Variants in ARMH1 observed in about 807,000 individuals in gnomAD.
ARMH1 encodes armadillo like helical domain containing 1.
ARMH1 carries 34 observed loss-of-function variants against 50.2 expected under a neutral mutation model. The ratio of observed to expected loss-of-function variants is 0.68; its 90% CI spans 0.51 to 0.90. The LOEUF is 0.90. ARMH1 is among the 40% of genes least tolerant of loss of function. ARMH1 has a pLI of 0.00. For synonymous variants in ARMH1, 221 were observed against 224.2 expected (o/e 0.99, Z 0.13); for missense variants, 538 against 553.9 (o/e 0.97, Z 0.29).
intron 1 of ARMH1, among the ~76,000 whole-genome samples, chr1:44,680,227 A>G (rs2148567884): frequency 6.6e-6 from 1 of 152,276 alleles, no homozygotes; most frequent in East Asian, 1.9e-4. Context: ...CCCAGGCTGG[A>G]GTTCAGTGGC....
At chr1:44,712,537 A>G (rs1161874596) in intron 6 of ARMH1, among the ~76,000 whole-genome samples, 2 of 80,102 alleles carry the variant, frequency 2.5e-5, no homozygotes, top group Non-Finnish European at 4.6e-5. Flanking sequence ...GGGAACCGCA[A>G]AAAAAAAAAA....
chr1:44,700,594 C>T lies in ARMH1; in HGVS notation c.443-329C>T, dbSNP rs570647793. Among the ~76,000 whole-genome samples the T allele has an allele frequency of 5.2e-5, 6 of 115,382 alleles. No homozygotes were observed. The East Asian group carries it at 1.5e-3, about 29-fold the overall frequency. 75.7% of individuals were successfully genotyped at this position (115,382 alleles called of 152,430 possible). A position where few individuals can be genotyped will look rare whatever the true frequency, so the allele number is the denominator to read the frequency against. On this transcript the variant is annotated intron_variant, in intron 4 of 11. Transcript: ENST00000535358. The stretch of plus-strand genomic sequence containing the variant: ...TCGCACCACTGTACTCCAGCCTGGG[C>T]AACAGACAGAGACTCCATCTCAAAA...
At chr1:44,721,526 C>T (rs749641479) in intron 6 of ARMH1, among the ~76,000 whole-genome samples, 3 of 151,706 alleles carry the variant, frequency 2.0e-5, no homozygotes, top group East Asian at 1.9e-4. Context: ...AAAAAAAAAT[C>T]TTATAAACAT....
Position 44,724,864 on chromosome 1 carries a change from C to T in ARMH1, c.1128+25C>T. 6.5e-7 allele frequency: 1 copy of T among 1,535,430 alleles called. No individual in the cohort carries two copies. The highest frequency in any genetic ancestry group is 1.4e-5 in the African/African-American group (1 of 73,022). On this transcript the variant is annotated intron_variant, in intron 10 of 11. Transcript: ENST00000535358. The surrounding 1 kb of genome is among the most constrained non-coding windows in gnomAD (Gnocchi z 6.4). ...GGTAAGTGCGCCCTTCCTGCCCCGC[C>T]GCAATGAGCAGATGGCGGCTCGGAC...
Position 44,724,509 on chromosome 1 carries a change from G to C in ARMH1, c.921-30G>C. On this transcript the variant is annotated intron_variant, in intron 8 of 11. Transcript: ENST00000535358. The surrounding 1 kb of genome is among the most constrained non-coding windows in gnomAD (Gnocchi z 6.4). The stretch of plus-strand genomic sequence containing the variant: ...GGGTGTGCGCCGGGTGAGCCCCAGG[G>C]CGTCGCCCCAGCCCGAACCCCCGGC... 1 of 1,506,922 alleles carries C rather than the reference G, an allele frequency of 6.6e-7. No individual in the cohort carries two copies. Among genetic ancestry groups the C allele is most frequent in the Non-Finnish European group, 8.8e-7 (1 of 1,131,716 alleles). 93.3% of individuals were successfully genotyped at this position (1,506,922 alleles called of 1,614,324 possible). A position where few individuals can be genotyped will look rare whatever the true frequency, so the allele number is the denominator to read the frequency against.
At chr1:44,712,139 A>G (rs1385685759) in intron 6 of ARMH1, among the ~76,000 whole-genome samples, 1 of 152,176 alleles carries the variant, frequency 6.6e-6, no homozygotes, top group Non-Finnish European at 1.5e-5. Flanking sequence ...TGGGAGCCCG[A>G]GGCGGGCAGA....
chr1:44,681,820 A>T lies in ARMH1; in HGVS notation c.-23+6947A>T, dbSNP rs1645322441. Among the ~76,000 whole-genome samples, 1 of 152,174 alleles carries T rather than the reference A, an allele frequency of 6.6e-6. No individual in the cohort carries two copies. The highest frequency in any genetic ancestry group is 1.5e-5 in the Non-Finnish European group (1 of 68,030). Reference sequence around the variant, plus strand: ...TGGAATTGTAGACTTCATAGGTGGGATGGTGCTAGCCAGTCACAGATTTGG... The same window carrying T: ...TGGAATTGTAGACTTCATAGGTGGGTTGGTGCTAGCCAGTCACAGATTTGG... On this transcript the variant is annotated intron_variant, in intron 1 of 11. Coordinates refer to ENST00000535358, the MANE Select transcript of ARMH1 (RefSeq NM_001145636.2). This position sits in a 1 kb window ranked among gnomAD's most constrained non-coding sequence, Gnocchi z 4.3.
At chr1:44,715,131 C>T (rs771332316) in intron 6 of ARMH1, among the ~76,000 whole-genome samples, 29 of 152,158 alleles carry the variant, frequency 1.9e-4, no homozygotes, top group Non-Finnish European at 3.1e-4. Flanking sequence ...GGTAAGGAAG[C>T]GCACTTCTCA....
At chr1:44,704,291 T>A in intron 6 of ARMH1, 118 bp downstream of exon 6, 2 of 749,568 alleles carry the variant, frequency 2.7e-6, no homozygotes, top group African/African-American at 1.8e-5. Context: ...CCTTGGCAGA[T>A]GGAAGATGCT....
intron 4 of ARMH1, among the ~76,000 whole-genome samples, chr1:44,699,581 C>G (rs1645965248): frequency 6.6e-6 from 1 of 151,890 alleles, no homozygotes; most frequent in South Asian, 2.1e-4. Context: ...TCCCAAGTAG[C>G]TGGAATTACA....
At chr1:44,725,049 C>A in intron 10 of ARMH1, 87 bp from the exon 11 acceptor site, 1 of 1,538,860 alleles carries the variant, frequency 6.5e-7, no homozygotes. Flanking sequence ...GACCCGCCCC[C>A]CACCTGCAAC....
rs149129260 is a variant in ARMH1, at chr1:44,710,149, C to T, written c.724+5976C>T. On this transcript the variant is annotated intron_variant, in intron 6 of 11. Coordinates refer to ENST00000535358, the MANE Select transcript of ARMH1 (RefSeq NM_001145636.2). The stretch of plus-strand genomic sequence containing the variant: ...AAACAGTGGCCCTAACTGACCAAAC[C>T]GAACAGACATGGACAAGGCTTTGAA... 2.4e-3 allele frequency among the ~76,000 whole-genome samples: 363 copies of T among 152,202 alleles called. 1 individual carries two copies. The highest frequency in any genetic ancestry group is 8.1e-3 in the African/African-American group (338 of 41,502).
chr1:44,690,642 C>T (rs1389223667), intron 2 of ARMH1, among the ~76,000 whole-genome samples: 2 of 152,180 alleles, frequency 1.3e-5, no homozygotes, highest in South Asian at 4.2e-4. Context: ...TATATTCCAC[C>T]CAACCCCAAT....
chr1:44,698,669 C>T (rs1447333710), intron 4 of ARMH1, among the ~76,000 whole-genome samples: 1 of 150,582 alleles, frequency 6.6e-6, no homozygotes. Flanking sequence ...AAAAATTAGC[C>T]TGGTGCAGTG....
At chr1:44,676,694 T>C (rs942375712) in intron 1 of ARMH1, among the ~76,000 whole-genome samples, 1 of 152,058 alleles carries the variant, frequency 6.6e-6, no homozygotes, top group Non-Finnish European at 1.5e-5. Flanking sequence ...GCAGTTTCAG[T>C]GGAGTGATGG....
intron 6 of ARMH1, among the ~76,000 whole-genome samples, chr1:44,714,912 G>A (rs1646790680): frequency 6.6e-6 from 1 of 151,946 alleles, no homozygotes; most frequent in Non-Finnish European, 1.5e-5. Context: ...GGGGGAAACA[G>A]TTTTACTGTT....
chr1:44,714,827 C>A (rs1404694211), intron 6 of ARMH1, among the ~76,000 whole-genome samples: 2 of 151,636 alleles, frequency 1.3e-5, no homozygotes, highest in South Asian at 2.1e-4. Flanking sequence ...TTTTTTAATT[C>A]TTTTTAGAGA....
chr1:44,683,006 C>G lies in ARMH1; in HGVS notation c.-22-6670C>G, dbSNP rs1005633401. 6.6e-6 allele frequency among the ~76,000 whole-genome samples: 1 copy of G among 152,292 alleles called. No individual in the cohort carries two copies. Among genetic ancestry groups the G allele is most frequent in the African/African-American group, 2.4e-5 (1 of 41,556 alleles). ...GTTTAGGCTGGGGCAAGCCCGAAGACCAGTGGAGGCTGTTGCAGTAATCCA... is the reference window on the plus strand; with the variant it reads ...GTTTAGGCTGGGGCAAGCCCGAAGAGCAGTGGAGGCTGTTGCAGTAATCCA... On this transcript the variant is annotated intron_variant, in intron 1 of 11. Transcript: ENST00000535358. The surrounding 1 kb of genome is among the most constrained non-coding windows in gnomAD (Gnocchi z 4.2).
intron 6 of ARMH1, chr1:44,721,950 T>C (rs1209548122): frequency 6.6e-6 from 1 of 152,224 alleles, no homozygotes; most frequent in Non-Finnish European, 1.5e-5. Flanking sequence ...CTGGTCTCCC[T>C]CTACTTACGG....
Sources: allele counts gnomAD v4.1 joint callset (sites outside exome capture counted in the v4.1 genomes callset), GRCh38; gene constraint gnomAD v4.1.1; non-coding constraint Gnocchi (gnomAD v3.1); transcripts MANE v1.5; gene names NCBI Gene and HGNC (gene_info 2026-07-23, HGNC 2026-07-21).